Variants in AGMO observed in about 807,000 individuals in gnomAD.
AGMO encodes glyceryl-ether monooxygenase.
AGMO carries 75 observed loss-of-function variants against 60.2 expected under a neutral mutation model. The observed-to-expected ratio is 1.25, with a 90% CI of 1.03 to 1.51. The LOEUF (loss-of-function observed/expected upper bound fraction) is 1.51. Among genes scored for constraint, AGMO ranks in the 40% most tolerant of loss-of-function variants. AGMO has a pLI of 0.00. For synonymous variants in AGMO, 261 were observed against 177.1 expected (o/e 1.47, Z -3.76); for missense variants, 763 against 525.5 (o/e 1.45, Z -4.42).
At chr7:15,431,771 T>C (rs1781246662) in intron 3 of AGMO, among the ~76,000 whole-genome samples, 1 of 151,788 alleles carries the variant, frequency 6.6e-6, no homozygotes, top group Admixed American at 6.6e-5. Context: ...TCTGTGTTCA[T>C]AAAAAAGGAA....
chr7:15,518,414 A>G (rs538364913), intron 3 of AGMO, among the ~76,000 whole-genome samples: 10 of 152,262 alleles, frequency 6.6e-5, no homozygotes, highest in African/African-American at 2.4e-4. Flanking sequence ...CACCTCATAC[A>G]GGAGAGCTCT....
intron 12 of AGMO, among the ~76,000 whole-genome samples, chr7:15,231,960 C>T (rs891510944): frequency 4.6e-5 from 7 of 152,124 alleles, no homozygotes; most frequent in Non-Finnish European, 1.0e-4. Context: ...GGGTTATGCA[C>T]AGAAAACAAA....
chr7:15,308,752 T>C (rs1780683769), intron 12 of AGMO, among the ~76,000 whole-genome samples: 1 of 152,152 alleles, frequency 6.6e-6, no homozygotes, highest in South Asian at 2.1e-4. Flanking sequence ...AACTAATGTG[T>C]TATGTTTTAT....
Position 15,247,318 on chromosome 7 carries a change from T to G in AGMO, c.1264-45959A>C, listed in dbSNP as rs145915080. On this transcript the variant is annotated intron_variant, in intron 12 of 12. Transcript: ENST00000342526. ...AGTGGATAATATTTTTCTTTAAAAT[T>G]TATTAAAATTTCAAATGCTGAAAAG... 5.6e-4 allele frequency among the ~76,000 whole-genome samples: 85 copies of G among 152,036 alleles called. 1 individual carries two copies. The East Asian group carries it at 0.016, about 29-fold the overall frequency.
At chr7:15,349,518 A>G (rs1427103007) in intron 12 of AGMO, among the ~76,000 whole-genome samples, 2 of 152,108 alleles carry the variant, frequency 1.3e-5, no homozygotes, top group African/African-American at 4.8e-5. Flanking sequence ...CTCAAACACC[A>G]TATACCAAAA....
At chr7:15,555,710 T>C (rs1275037197) in intron 2 of AGMO, among the ~76,000 whole-genome samples, 1 of 151,990 alleles carries the variant, frequency 6.6e-6, no homozygotes, top group Non-Finnish European at 1.5e-5. Flanking sequence ...AATGTATTAC[T>C]CAATTGAATA....
chr7:15,548,141 A>T (rs1784841931), intron 2 of AGMO, among the ~76,000 whole-genome samples: 1 of 152,120 alleles, frequency 6.6e-6, no homozygotes, highest in African/African-American at 2.4e-5. Flanking sequence ...AACAGAAAGG[A>T]CATCCACATC....
At chr7:15,340,313 T>A (rs1781802150) in intron 12 of AGMO, among the ~76,000 whole-genome samples, 1 of 152,226 alleles carries the variant, frequency 6.6e-6, no homozygotes, top group South Asian at 2.1e-4. Flanking sequence ...ATATCAGTAC[T>A]CAAAGTTTTA....
intron 12 of AGMO, among the ~76,000 whole-genome samples, chr7:15,290,221 G>A (rs1162562171): frequency 6.6e-6 from 1 of 151,854 alleles, no homozygotes; most frequent in East Asian, 1.9e-4. Flanking sequence ...TACAGATGGG[G>A]TTTCACCATA....
chr7:15,362,877 TATC>T (rs1233916159), intron 12 of AGMO, among the ~76,000 whole-genome samples: 3 of 152,212 alleles, frequency 2.0e-5, no homozygotes, highest in Non-Finnish European at 4.4e-5. Flanking sequence ...AGATGAGTAT[TATC>T]ATCATTACAT....
At chr7:15,245,579 C>G (rs1583323502) in intron 12 of AGMO, among the ~76,000 whole-genome samples, 1 of 151,456 alleles carries the variant, frequency 6.6e-6, no homozygotes, top group East Asian at 1.9e-4. Context: ...TATTGTGCAC[C>G]ATAAATATTC....
the AGMO span, among the ~76,000 whole-genome samples, chr7:15,190,092 T>TGCAGCA: frequency 5.9e-4 from 1 of 1,688 alleles, no homozygotes; most frequent in East Asian, 0.028. Context: ...TATATATATA[T>TGCAGCA]ATTTATATAT....
chr7:15,303,696 G>C (rs1237165171), intron 12 of AGMO, among the ~76,000 whole-genome samples: 1 of 152,092 alleles, frequency 6.6e-6, no homozygotes, highest in Non-Finnish European at 1.5e-5. Flanking sequence ...GCAGAAGAAG[G>C]AAGTGGAGCA....
intron 3 of AGMO, among the ~76,000 whole-genome samples, chr7:15,483,431 T>C (rs1182645599): frequency 2.0e-5 from 3 of 152,056 alleles, no homozygotes; most frequent in Admixed American, 1.3e-4. Context: ...CCGGGCGTGG[T>C]GGCGGGCGCC....
intron 12 of AGMO, among the ~76,000 whole-genome samples, chr7:15,210,203 A>G (rs906527947): frequency 6.6e-6 from 1 of 152,120 alleles, no homozygotes; most frequent in Non-Finnish European, 1.5e-5. Context: ...ACTTAATTTG[A>G]TTGATTTCTC....
At chr7:15,539,177 T>C (rs115294988) in intron 3 of AGMO, among the ~76,000 whole-genome samples, 3,785 of 152,254 alleles carry the variant, frequency 0.025, 141 homozygotes, top group African/African-American at 0.085. Flanking sequence ...CAGGGGCACA[T>C]GTGCAGATTT....
At chr7:15,418,497 T>C (rs1780837739) in intron 5 of AGMO, 61 bp downstream of exon 5, 2 of 1,036,330 alleles carry the variant, frequency 1.9e-6, no homozygotes, top group Non-Finnish European at 2.9e-6. Flanking sequence ...CTAGTGGATT[T>C]CCAGGACATT....
the AGMO span, among the ~76,000 whole-genome samples, chr7:15,127,899 C>T: frequency 1.3e-5 from 2 of 151,996 alleles, no homozygotes; most frequent in African/African-American, 2.4e-5. Flanking sequence ...TTTCCCATAT[C>T]TTCAGGAATT....
chr7:15,551,851 C>T (rs1294101592), intron 2 of AGMO, among the ~76,000 whole-genome samples: 15 of 152,008 alleles, frequency 9.9e-5, no homozygotes, highest in East Asian at 7.7e-4. Flanking sequence ...AAAAAGAGCC[C>T]GCATCACCAA....
Sources: allele counts gnomAD v4.1 joint callset (sites outside exome capture counted in the v4.1 genomes callset), GRCh38; gene constraint gnomAD v4.1.1; transcripts MANE v1.5; gene names NCBI Gene and HGNC (gene_info 2026-07-23, HGNC 2026-07-21).